Variants in RAPGEF5 observed in about 807,000 individuals in gnomAD.
RAPGEF5 encodes the protein Rap guanine nucleotide exchange factor 5, also known as M-Ras-regulated GEF.
In RAPGEF5, 65 loss-of-function variants were observed where a neutral mutation model predicts 125.2. The ratio of observed to expected loss-of-function variants is 0.52; its 90% CI spans 0.43 to 0.64. RAPGEF5 has a LOEUF of 0.64. Ranked by LOEUF, RAPGEF5 falls within the 30% of genes least tolerant of loss-of-function variation. RAPGEF5 has a pLI of 0.00. For missense variants in RAPGEF5, 958 were observed against 1,048.1 expected (o/e 0.91, Z 1.19); for synonymous variants, 391 against 385.9 (o/e 1.01, Z -0.16).
chr7:22,156,663 A>G, intron 16 of RAPGEF5, 147 bp downstream of exon 16: 1 of 1,299,438 alleles, frequency 7.7e-7, no homozygotes, highest in Admixed American at 2.8e-5. Flanking sequence ...AATAAAGAAA[A>G]GAAAAACCAT....
intron 12 of RAPGEF5, among the ~76,000 whole-genome samples, chr7:22,166,082 CA>C (rs1784155462): frequency 7.0e-6 from 1 of 142,186 alleles, no homozygotes; most frequent in Admixed American, 7.1e-5. Flanking sequence ...ATATATGTAT[CA>C]TATATATATA....
intron 23 of RAPGEF5, among the ~76,000 whole-genome samples, chr7:22,133,268 G>T (rs1373971918): frequency 6.6e-6 from 1 of 152,192 alleles, no homozygotes; most frequent in Non-Finnish European, 1.5e-5. Context: ...GGGGAGACAG[G>T]CTGGAAGGTG....
Position 22,185,252 on chromosome 7 carries a change from T to C in RAPGEF5, c.1204+8115A>G, listed in dbSNP as rs10246141. Among the ~76,000 whole-genome samples the C allele has an allele frequency of 5.3e-3, 805 of 152,340 alleles. 7 individuals are homozygous for C. Among genetic ancestry groups the C allele is most frequent in the African/African-American group, 0.019 (773 of 41,572 alleles). On this transcript the variant is annotated intron_variant, in intron 11 of 25. Transcript: ENST00000665637. ...ATTAACTTCTACCTTGGCTTCTATG[T>C]CCATTAAATGGGGATAATTATCTTG...
chr7:22,135,725 G>A (rs1307959739), intron 23 of RAPGEF5, among the ~76,000 whole-genome samples: 3 of 152,100 alleles, frequency 2.0e-5, no homozygotes, highest in Non-Finnish European at 4.4e-5. Context: ...GGTTGAATTC[G>A]GTGGATTGTT....
chr7:22,285,917 C>T (rs1782785254), intron 6 of RAPGEF5, among the ~76,000 whole-genome samples: 1 of 152,122 alleles, frequency 6.6e-6, no homozygotes, highest in Admixed American at 6.6e-5. Context: ...CAGAGAAGAA[C>T]CATACAAATA....
intron 7 of RAPGEF5, among the ~76,000 whole-genome samples, chr7:22,250,746 G>A (rs1786598629): frequency 6.6e-6 from 1 of 152,156 alleles, no homozygotes; most frequent in Non-Finnish European, 1.5e-5. Flanking sequence ...TAAATGATTA[G>A]TAATTATTAT....
At chr7:22,316,464 T>C (rs1207676969) in intron 2 of RAPGEF5, among the ~76,000 whole-genome samples, 2 of 76,148 alleles carry the variant, frequency 2.6e-5, no homozygotes, top group South Asian at 5.3e-4. Context: ...CATAGACATA[T>C]ATATATATAT....
In RAPGEF5 at chr7:22,240,680, C is replaced by CT. The variant is rs568938270; in HGVS notation, c.797-9762dup. 4.0e-4 allele frequency among the ~76,000 whole-genome samples: 60 copies of CT among 151,466 alleles called. No individual in the cohort carries two copies. The South Asian group carries it at 0.012, about 31-fold the overall frequency. ...GAGCCACCATGACTAGCCAGCTTTA[C>CT]TTTTTTTTTGTGCCTTTCAATGTTG... On this transcript the variant is annotated intron_variant, in intron 7 of 25. Transcript: ENST00000665637.
At chr7:22,206,683 C>CAA (rs1785404870) in intron 9 of RAPGEF5, among the ~76,000 whole-genome samples, 1 of 112,892 alleles carries the variant, frequency 8.9e-6, no homozygotes, top group African/African-American at 3.5e-5. Context: ...AGACCCATGT[C>CAA]ACAAGAAAAA....
Position 22,122,519 on chromosome 7 carries a change from C to A in RAPGEF5, c.2539G>T (p.Asp847Tyr). The change falls in exon 26 of 26, where the codon GAC becomes TAC. Residue 847 changes from aspartate to tyrosine, a missense_variant and splice_region_variant. Physicochemically the swap from Asp to Tyr is radical, Grantham distance 160. Coordinates refer to ENST00000665637, the MANE Select transcript of RAPGEF5 (RefSeq NM_012294.5). ...TCTTGATGCTCTTTTGGAGACAGGT[C>A]ACCTGTTGTTTAGAGGGGGAAAAAA... ...LRHCRTNQFG[D>Y]LSPKEHQELK... 1.2e-6 allele frequency: 2 copies of A among 1,609,478 alleles called. No homozygotes were observed. The highest frequency in any genetic ancestry group is 2.2e-5 in the South Asian group (2 of 90,910).
At chr7:22,161,826 C>T (rs1026182587) in intron 13 of RAPGEF5, among the ~76,000 whole-genome samples, 3 of 152,184 alleles carry the variant, frequency 2.0e-5, no homozygotes, top group African/African-American at 7.2e-5. Context: ...TCCTAACCTG[C>T]AGACTTAATA....
At chr7:22,264,692 C>CA (rs202064070) in intron 7 of RAPGEF5, among the ~76,000 whole-genome samples, 1,708 of 152,218 alleles carry the variant, frequency 0.011, 35 homozygotes, top group African/African-American at 0.038. Flanking sequence ...GGTCTTGGCT[C>CA]AAAAATCTCT....
chr7:22,335,231 C>A (rs889385472), intron 1 of RAPGEF5, among the ~76,000 whole-genome samples: 1 of 152,134 alleles, frequency 6.6e-6, no homozygotes, highest in African/African-American at 2.4e-5. Context: ...TTAGTTTCAA[C>A]GAGGCAAGTG....
intron 12 of RAPGEF5, among the ~76,000 whole-genome samples, chr7:22,164,861 A>T (rs555331228): frequency 6.6e-6 from 1 of 152,324 alleles, no homozygotes; most frequent in African/African-American, 2.4e-5. Flanking sequence ...TACAATAAAA[A>T]TACTTATCTA....
At chr7:22,177,851 G>A (rs1285257690) in intron 11 of RAPGEF5, among the ~76,000 whole-genome samples, 2 of 152,092 alleles carry the variant, frequency 1.3e-5, no homozygotes, top group East Asian at 1.9e-4. Context: ...TAACCCATCC[G>A]GTTTAGGGGA....
At chr7:22,319,995 A>C (rs58375878) in intron 1 of RAPGEF5, among the ~76,000 whole-genome samples, 13,652 of 152,212 alleles carry the variant, frequency 0.09, 1,067 homozygotes, top group East Asian at 0.38. Flanking sequence ...TCCCCCATGG[A>C]TGGCTTGCTT....
chr7:22,309,942 G>A, intron 4 of RAPGEF5, 27 bp downstream of exon 4: 2 of 1,544,574 alleles, frequency 1.3e-6, no homozygotes, highest in Non-Finnish European at 1.7e-6. Context: ...AAATAATGAT[G>A]CTGTGCCTTC....
chr7:22,312,245 G>A (rs762719060), intron 3 of RAPGEF5, among the ~76,000 whole-genome samples: 9 of 150,556 alleles, frequency 6.0e-5, no homozygotes, highest in Non-Finnish European at 1.2e-4. Context: ...TTTCACTCAC[G>A]TCGCCCAGGC....
At chr7:22,142,470 A>G (rs139633891) in intron 20 of RAPGEF5, among the ~76,000 whole-genome samples, 42 of 152,312 alleles carry the variant, frequency 2.8e-4, no homozygotes, top group African/African-American at 9.9e-4. Flanking sequence ...CCTCATGAAC[A>G]ATTTTCCTGG....
Sources: allele counts gnomAD v4.1 joint callset (sites outside exome capture counted in the v4.1 genomes callset), GRCh38; gene constraint gnomAD v4.1.1; transcripts MANE v1.5; gene names NCBI Gene and HGNC (gene_info 2026-07-23, HGNC 2026-07-21).